Variants in ETV2 observed in about 807,000 individuals in gnomAD.
ETV2 encodes ETS translocation variant 2.
Under a neutral mutation model 35.7 loss-of-function variants are expected in ETV2, and 34 were observed. The ratio of observed to expected loss-of-function variants is 0.95; its 90% confidence interval spans 0.72 to 1.27. The LOEUF (loss-of-function observed/expected upper bound fraction) is 1.27. ETV2 is among the 50% of genes most tolerant of loss of function. ETV2 has a pLI of 0.00. For synonymous variants in ETV2, 207 were observed against 203.9 expected (o/e 1.02, Z -0.13); for missense variants, 512 against 470.5 (o/e 1.09, Z -0.82).
chr19:35,643,324 T>G lies in ETV2; in HGVS notation c.286T>G (p.Cys96Gly), dbSNP rs1378487655. Residue 96 changes from cysteine (C) to glycine (G), a missense_variant, in exon 5 of 7, where the codon TGC becomes GGC. By Grantham distance (159) the Cys-to-Gly change is radical (BLOSUM62 -3). Coordinates refer to ENST00000402764, the MANE Select transcript of ETV2 (RefSeq NM_014209.4). The surrounding 1 kb of genome is among the most constrained non-coding windows in gnomAD (Gnocchi z 5.0). ...PWSGDWTDMA[C>G]TAWDSWSGAS... ...GTCCGGGGACTGGACAGACATGGCGTGCACAGCCTGGGACTCTTGGAGCGG... is the reference window on the plus strand; with the variant it reads ...GTCCGGGGACTGGACAGACATGGCGGGCACAGCCTGGGACTCTTGGAGCGG... 1.2e-6 allele frequency: 2 copies of G among 1,601,262 alleles called. No homozygotes were observed. Among genetic ancestry groups the G allele is most frequent in the Non-Finnish European group, 1.7e-6 (2 of 1,175,680 alleles).
rs141901628 is a variant in ETV2 at position 35,644,801 on chromosome 19, C to T, written c.978C>T (p.Ser326=). 1.9e-6 allele frequency: 3 copies of T among 1,611,740 alleles called. No individual in the cohort carries two copies. Among genetic ancestry groups the T allele is most frequent in the Admixed American group, 1.7e-5 (1 of 59,714 alleles). ...ACCGCTTCGGGGGCCGCGTGCCCAG[C>T]CTAGCCTATCCGGACTGTGCGGGAG... ...YTYRFGGRVP[S]LAYPDCAGGG... is the part of the protein sequence containing the mutation. Residue 326 remains serine (S), a synonymous_variant, in exon 7 of 7, where the codon AGC becomes AGT. Coordinates refer to ENST00000402764, the MANE Select transcript of ETV2 (RefSeq NM_014209.4). The surrounding 1 kb of genome is among the most constrained non-coding windows in gnomAD (Gnocchi z 4.7).
At position 35,643,109 on chromosome 19, in the gene ETV2, G is replaced by A. The variant is rs1967651503; in HGVS notation, c.235+64G>A. 5.1e-6 allele frequency: 7 copies of A among 1,379,416 alleles called. No homozygotes were observed. The highest frequency in any genetic ancestry group is 6.0e-6 in the Non-Finnish European group (6 of 1,002,118). 85.4% of individuals were successfully genotyped at this position (1,379,416 alleles called of 1,614,324 possible). ...GTCCCGAGGCACCGGGGCTAGAGGTGTAGACTCCCTGATCTTTGAGGACTG... is the reference window on the plus strand; with the variant it reads ...GTCCCGAGGCACCGGGGCTAGAGGTATAGACTCCCTGATCTTTGAGGACTG... On this transcript the variant is annotated intron_variant, in intron 4 of 6. Transcript: ENST00000402764. The surrounding 1 kb of genome is among the most constrained non-coding windows in gnomAD (Gnocchi z 5.0).
chr19:35,642,173 G>A lies in ETV2; in HGVS notation c.-28+17G>A, dbSNP rs1192822844. 3.4e-6 allele frequency: 1 copy of A among 297,860 alleles called. No individual in the cohort carries two copies. Among genetic ancestry groups the A allele is most frequent in the East Asian group, 7.1e-5 (1 of 14,178 alleles). The allele number at this position is 297,860 out of a possible 1,614,324, so 18.5% of individuals were successfully genotyped here. A position where few individuals can be genotyped will look rare whatever the true frequency, so the allele number is the denominator to read the frequency against. ...CCGCCAGAGGTGAGCGATGAACTGA[G>A]GACTAGATGCCTGGGTGTCTGGGTT... On this transcript the variant is annotated intron_variant, in intron 1 of 6. Transcript: ENST00000402764. This position sits in a 1 kb window ranked among gnomAD's most constrained non-coding sequence, Gnocchi z 4.4.
chr19:35,643,850 G>C lies in ETV2; in HGVS notation c.715+97G>C, dbSNP rs548926813. The C allele has an allele frequency of 4.0e-5, 61 of 1,540,982 alleles. No homozygotes were observed. In the African/African-American group the frequency reaches 7.9e-4, roughly 20 times the overall value. ...GCGGGGCCCGGGAGACTGACAGTGA[G>C]GGGGCGGGGGCTTAGGGACCAGGGG... On this transcript the variant is annotated intron_variant, in intron 5 of 6. Transcript: ENST00000402764. This position sits in a 1 kb window ranked among gnomAD's most constrained non-coding sequence, Gnocchi z 5.0.
Position 35,644,551 on chromosome 19 carries a change from C to A in ETV2, c.829-101C>A. 2 of 1,210,562 alleles carry A rather than the reference C, an allele frequency of 1.7e-6. No individual in the cohort carries two copies. Among genetic ancestry groups the A allele is most frequent in the East Asian group, 2.6e-5 (1 of 39,200 alleles). 75.0% of individuals were successfully genotyped at this position (1,210,562 alleles called of 1,614,324 possible). The stretch of plus-strand genomic sequence containing the variant: ...CAGTCTCCACCGGGCTCTGCGAGGC[C>A]TCGCCCAGGTCTGCACTGCACACCG... On this transcript the variant is annotated intron_variant, in intron 6 of 6. Coordinates refer to ENST00000402764, the MANE Select transcript of ETV2 (RefSeq NM_014209.4). This position sits in a 1 kb window ranked among gnomAD's most constrained non-coding sequence, Gnocchi z 4.7.
chr19:35,642,832 G>T lies in ETV2; in HGVS notation c.155-133G>T. 1 of 1,002,934 alleles carries T rather than the reference G, an allele frequency of 1.0e-6. No individual in the cohort carries two copies. Among genetic ancestry groups the T allele is most frequent in the Admixed American group, 2.2e-5 (1 of 46,320 alleles). 62.1% of individuals were successfully genotyped at this position (1,002,934 alleles called of 1,614,324 possible). On this transcript the variant is annotated intron_variant, in intron 3 of 6. Coordinates refer to ENST00000402764, the MANE Select transcript of ETV2 (RefSeq NM_014209.4). This position sits in a 1 kb window ranked among gnomAD's most constrained non-coding sequence, Gnocchi z 4.4. ...GGGGCCGCGTGCTTGACCCCTGAGG[G>T]TGAAGGAAAAGGGGGCGCGGGGTGC...
In ETV2 at chr19:35,642,776, G is replaced by C; in HGVS notation, c.154+78G>C. On this transcript the variant is annotated intron_variant, in intron 3 of 6. Coordinates refer to ENST00000402764, the MANE Select transcript of ETV2 (RefSeq NM_014209.4). The surrounding 1 kb of genome is among the most constrained non-coding windows in gnomAD (Gnocchi z 4.4). ...ATCCTAGGGCAAAGGGAGGAGGGGG[G>C]CGTGCCTAGGTTCCTGGGACTGGGT... 8.0e-7 allele frequency: 1 copy of C among 1,244,004 alleles called. No individual in the cohort carries two copies. The highest frequency in any genetic ancestry group is 1.5e-5 in the African/African-American group (1 of 66,908). The allele number at this position is 1,244,004 out of a possible 1,614,324, so 77.1% of individuals were successfully genotyped here.
Position 35,642,424 on chromosome 19 carries a change from C to A in ETV2, c.-27-10C>A. On this transcript the variant is annotated splice_polypyrimidine_tract_variant and intron_variant, in intron 1 of 6. Transcript: ENST00000402764. The surrounding 1 kb of genome is among the most constrained non-coding windows in gnomAD (Gnocchi z 4.4). ...CTCACCCATTGCCATCTGGACTTTT[C>A]CCGACCCAGAACATTCAGAAGGCCT... The A allele has an allele frequency of 6.8e-7, 1 of 1,460,778 alleles. No individual in the cohort carries two copies. The highest frequency in any genetic ancestry group is 1.3e-5 in the South Asian group (1 of 78,326). The allele number at this position is 1,460,778 out of a possible 1,614,324, so 90.5% of individuals were successfully genotyped here.
chr19:35,643,596 G>C lies in ETV2; in HGVS notation c.558G>C (p.Ala186=), dbSNP rs1313531180. Residue 186 remains alanine (A), a synonymous_variant, in exon 5 of 7, where the codon GCG becomes GCC. Coordinates refer to ENST00000402764, the MANE Select transcript of ETV2 (RefSeq NM_014209.4). This position sits in a 1 kb window ranked among gnomAD's most constrained non-coding sequence, Gnocchi z 5.0. ...GTACCATTTCGTGGGGCGGGCCCGC[G>C]GGCCCGGACTGTACCACCTCCTGGA... ...TDCTISWGGP[A]GPDCTTSWNP... 1 of 1,598,622 alleles carries C rather than the reference G, an allele frequency of 6.3e-7. No individual in the cohort carries two copies. The highest frequency in any genetic ancestry group is 8.5e-7 in the Non-Finnish European group (1 of 1,173,424).
In ETV2 at chr19:35,643,566, G is replaced by A; in HGVS notation, c.528G>A (p.Thr176=). The A allele has an allele frequency of 6.4e-7, 1 of 1,571,350 alleles. No individual in the cohort carries two copies. The highest frequency in any genetic ancestry group is 1.7e-4 in the Middle Eastern group (1 of 6,004). ...GTGGCCTGGGCGGGGAGCCGCGCAC[G>A]GACTGTACCATTTCGTGGGGCGGGC... ...WGSGLGGEPR[T]DCTISWGGPA... is the part of the protein sequence containing the mutation. Residue 176 remains threonine (T), a synonymous_variant, in exon 5 of 7, where the codon ACG becomes ACA. Coordinates refer to ENST00000402764, the MANE Select transcript of ETV2 (RefSeq NM_014209.4). This position sits in a 1 kb window ranked among gnomAD's most constrained non-coding sequence, Gnocchi z 5.0.
chr19:35,643,038 G>T lies in ETV2; in HGVS notation c.228G>T (p.Trp76Cys). The T allele has an allele frequency of 6.4e-7, 1 of 1,562,870 alleles. No homozygotes were observed. Among genetic ancestry groups the T allele is most frequent in the Non-Finnish European group, 8.7e-7 (1 of 1,152,060 alleles). ...GSALLHPEVPWGAEPDSQALP... is the reference protein window; with the variant it reads ...GSALLHPEVPCGAEPDSQALP... The stretch of plus-strand genomic sequence containing the variant: ...CGTTACTGCACCCAGAAGTTCCATG[G>T]GGGGCGGGTGAGTGTGGGGAGAGGC... The change falls in exon 4 of 7, where the codon TGG (tryptophan) becomes TGT (cysteine). Residue 76 changes from tryptophan (W) to cysteine (C), a missense_variant. By Grantham distance (215) the Trp-to-Cys change is radical (BLOSUM62 -2). Transcript: ENST00000402764. The surrounding 1 kb of genome is among the most constrained non-coding windows in gnomAD (Gnocchi z 5.0).
chr19:35,642,707 G>A lies in ETV2; in HGVS notation c.154+9G>A, dbSNP rs759245318. ...AGAGACATGCTGGAAAGGTGGCTGC[G>A]GGCTGGGACCCCTAAGTGCTGGAGA... On this transcript the variant is annotated intron_variant, in intron 3 of 6. Transcript: ENST00000402764. This position sits in a 1 kb window ranked among gnomAD's most constrained non-coding sequence, Gnocchi z 4.4. The A allele has an allele frequency of 7.0e-6, 11 of 1,577,304 alleles. No individual in the cohort carries two copies. Among genetic ancestry groups the A allele is most frequent in the African/African-American group, 5.4e-5 (4 of 74,092 alleles).
Position 35,644,587 on chromosome 19 carries a change from C to T in ETV2, c.829-65C>T. The T allele has an allele frequency of 1.4e-6, 2 of 1,468,014 alleles. No homozygotes were observed. The highest frequency in any genetic ancestry group is 1.8e-6 in the Non-Finnish European group (2 of 1,090,518). 90.9% of individuals were successfully genotyped at this position (1,468,014 alleles called of 1,614,324 possible). ...CTGCACTGCACACCGCCCCCAGGCC[C>T]GGCCCTCCCCACTATCGCCAAGCCC... On this transcript the variant is annotated intron_variant, in intron 6 of 6. Transcript: ENST00000402764. This position sits in a 1 kb window ranked among gnomAD's most constrained non-coding sequence, Gnocchi z 4.7.
Position 35,644,176 on chromosome 19 carries a change from T to C in ETV2, c.716-59T>C, listed in dbSNP as rs978797395. The C allele has an allele frequency of 8.6e-7, 1 of 1,163,426 alleles. No individual in the cohort carries two copies. Among genetic ancestry groups the C allele is most frequent in the Non-Finnish European group, 1.3e-6 (1 of 795,484 alleles). 72.1% of individuals were successfully genotyped at this position (1,163,426 alleles called of 1,614,324 possible). On this transcript the variant is annotated intron_variant, in intron 5 of 6. Transcript: ENST00000402764. This position sits in a 1 kb window ranked among gnomAD's most constrained non-coding sequence, Gnocchi z 4.7. ...TGGGAGGACCCGGACCTCTAGATCA[T>C]TGAAGTGGTGTGATCTAGGGCCGGG...
chr19:35,644,298 T>C lies in ETV2; in HGVS notation c.779T>C (p.Ile260Thr). ...CACGACGGGGCGCGTAGCAGCTGCA[T>C]CCGTTGGACTGGCAACAGCCGCGAG... ...LLHDGARSSCIRWTGNSREFQ... is the reference protein window; with the variant it reads ...LLHDGARSSCTRWTGNSREFQ... The change falls in exon 6 of 7, where the codon ATC becomes ACC. Residue 260 changes from isoleucine to threonine, a missense_variant. Ile to Thr is a moderately conservative substitution (Grantham distance 89). Coordinates refer to ENST00000402764, the MANE Select transcript of ETV2 (RefSeq NM_014209.4). The surrounding 1 kb of genome is among the most constrained non-coding windows in gnomAD (Gnocchi z 4.7). 1 of 1,558,286 alleles carries C rather than the reference T, an allele frequency of 6.4e-7. No individual in the cohort carries two copies. The highest frequency in any genetic ancestry group is 8.7e-7 in the Non-Finnish European group (1 of 1,150,790).
Position 35,642,734 on chromosome 19 carries a change from G to A in ETV2, c.154+36G>A. 6.7e-7 allele frequency: 1 copy of A among 1,502,250 alleles called. No individual in the cohort carries two copies. Among genetic ancestry groups the A allele is most frequent in the Admixed American group, 1.9e-5 (1 of 51,476 alleles). 93.1% of individuals were successfully genotyped at this position (1,502,250 alleles called of 1,614,324 possible). ...GCTGGGACCCCTAAGTGCTGGAGAA[G>A]AAGCGGGGAGGCTGGGATCCTAGGG... On this transcript the variant is annotated intron_variant, in intron 3 of 6. Coordinates refer to ENST00000402764, the MANE Select transcript of ETV2 (RefSeq NM_014209.4). This position sits in a 1 kb window ranked among gnomAD's most constrained non-coding sequence, Gnocchi z 4.4.
At position 35,643,718 on chromosome 19, in the gene ETV2, C is replaced by A. The variant is rs760896247; in HGVS notation, c.680C>A (p.Ala227Asp). Reference protein sequence around the residue: ...CSEPSPQSDRASLARCPKTNH... With the variant: ...CSEPSPQSDRDSLARCPKTNH... ...GAACCGAGCCCGCAGTCGGACCGTGCCAGTTTGGCTCGATGCCCCAAAACT... is the reference window on the plus strand; with the variant it reads ...GAACCGAGCCCGCAGTCGGACCGTGACAGTTTGGCTCGATGCCCCAAAACT... The change falls in exon 5 of 7, where the codon GCC (alanine) becomes GAC (aspartate). Residue 227 changes from alanine to aspartate, a missense_variant. Ala to Asp is a moderately radical substitution (Grantham distance 126). Transcript: ENST00000402764. The surrounding 1 kb of genome is among the most constrained non-coding windows in gnomAD (Gnocchi z 5.0). The A allele has an allele frequency of 7.4e-6, 12 of 1,613,812 alleles. 1 individual carries two copies. In the South Asian group the frequency reaches 1.3e-4, roughly 18 times the overall value.
In ETV2 at chr19:35,642,960, C is replaced by G. The variant is rs1198805210; in HGVS notation, c.155-5C>G. ...TTCATTGCTCACAGTCCTCCCTAAA[C>G]TCAGGTACAAGCTCATCCCTGGCAA... is the stretch of plus-strand genomic sequence containing the variant. On this transcript the variant is annotated splice_region_variant and splice_polypyrimidine_tract_variant and intron_variant, in intron 3 of 6. Coordinates refer to ENST00000402764, the MANE Select transcript of ETV2 (RefSeq NM_014209.4). This position sits in a 1 kb window ranked among gnomAD's most constrained non-coding sequence, Gnocchi z 4.4. 6.4e-7 allele frequency: 1 copy of G among 1,552,216 alleles called. No homozygotes were observed.
In ETV2 at chr19:35,643,940, A is replaced by G. The variant is rs1036004745; in HGVS notation, c.715+187A>G. ...GGGAGGAGAGGGCTAAGAAACTGGT[A>G]GTCTTATAGGGACCAAGGGGATGAG... is the stretch of plus-strand genomic sequence containing the variant. On this transcript the variant is annotated intron_variant, in intron 5 of 6. Coordinates refer to ENST00000402764, the MANE Select transcript of ETV2 (RefSeq NM_014209.4). This position sits in a 1 kb window ranked among gnomAD's most constrained non-coding sequence, Gnocchi z 5.0. 8.5e-5 allele frequency among the ~76,000 whole-genome samples: 13 copies of G among 152,156 alleles called. No homozygotes were observed. Among genetic ancestry groups the G allele is most frequent in the African/African-American group, 3.1e-4 (13 of 41,448 alleles).
Sources: allele counts gnomAD v4.1 joint callset (sites outside exome capture counted in the v4.1 genomes callset), GRCh38; gene constraint gnomAD v4.1.1; non-coding constraint Gnocchi (gnomAD v3.1); transcripts MANE v1.5; gene names NCBI Gene and HGNC (gene_info 2026-07-23, HGNC 2026-07-21).